DTHD1: variants seen among roughly 807,000 people sequenced by gnomAD.
DTHD1 encodes the protein death domain-containing protein 1.
DTHD1 carries 59 observed loss-of-function variants against 74.8 expected under a neutral mutation model. That is an observed-to-expected ratio of 0.79 (90% CI 0.64 to 0.98). The LOEUF (loss-of-function observed/expected upper bound fraction) is 0.98, where lower values mean the gene tolerates loss of function less well. Among genes scored for constraint, DTHD1 ranks in the 50% least tolerant of loss-of-function variants. DTHD1 has a pLI of 0.00. For synonymous variants in DTHD1, 365 were observed against 371.1 expected (o/e 0.98, Z 0.19); for missense variants, 1,051 against 1,065.4 (o/e 0.99, Z 0.19).
At chr4:36,314,708 A>C (rs1757603989) in intron 7 of DTHD1, among the ~76,000 whole-genome samples, 1 of 150,918 alleles carries the variant, frequency 6.6e-6, no homozygotes, top group Non-Finnish European at 1.5e-5. Context: ...AAAAGAAAAG[A>C]AAAAAAGCTT....
chr4:36,324,781 T>C (rs1366355997), intron 8 of DTHD1, among the ~76,000 whole-genome samples: 1 of 152,200 alleles, frequency 6.6e-6, no homozygotes, highest in Non-Finnish European at 1.5e-5. Flanking sequence ...AATAATTGAA[T>C]ACAACAATAC....
chr4:36,285,771 A>G (rs1457480444), intron 2 of DTHD1, among the ~76,000 whole-genome samples: 1 of 152,218 alleles, frequency 6.6e-6, no homozygotes, highest in Non-Finnish European at 1.5e-5. Context: ...ATTTGTAGAA[A>G]TAATATATAC....
At chr4:36,304,827 C>T (rs1343226940) in intron 5 of DTHD1, among the ~76,000 whole-genome samples, 2 of 152,140 alleles carry the variant, frequency 1.3e-5, no homozygotes, top group African/African-American at 4.8e-5. Context: ...GATTTTTCTC[C>T]TTTTTCTCTC....
At chr4:36,328,518 G>T (rs544978724) in intron 8 of DTHD1, among the ~76,000 whole-genome samples, 2 of 152,164 alleles carry the variant, frequency 1.3e-5, no homozygotes, top group African/African-American at 4.8e-5. Context: ...ACGTAAGCAC[G>T]CGCAAATACT....
chr4:36,289,446 T>C (rs892246632), intron 2 of DTHD1, among the ~76,000 whole-genome samples: 3 of 152,176 alleles, frequency 2.0e-5, no homozygotes, highest in Non-Finnish European at 4.4e-5. Flanking sequence ...GTTTGGACTT[T>C]CACATTAAAG....
intron 5 of DTHD1, among the ~76,000 whole-genome samples, chr4:36,299,638 A>T (rs912167878): frequency 3.3e-5 from 5 of 152,088 alleles, no homozygotes; most frequent in African/African-American, 1.2e-4. Flanking sequence ...TGTCCTTCCG[A>T]GTTTCCACAT....
intron 8 of DTHD1, among the ~76,000 whole-genome samples, chr4:36,318,578 T>A (rs941898561): frequency 1.3e-5 from 2 of 151,892 alleles, no homozygotes; most frequent in Admixed American, 1.3e-4. Flanking sequence ...TGTACATCTA[T>A]CAGTTTTGCT....
intron 3 of DTHD1, among the ~76,000 whole-genome samples, chr4:36,293,257 A>T (rs887214063): frequency 2.1e-5 from 3 of 142,594 alleles, no homozygotes; most frequent in African/African-American, 8.1e-5. Flanking sequence ...ATTGCCCATT[A>T]TTCACACAAT....
At chr4:36,291,567 G>A (rs1756080608) in intron 3 of DTHD1, among the ~76,000 whole-genome samples, 1 of 152,170 alleles carries the variant, frequency 6.6e-6, no homozygotes. Flanking sequence ...GGTGGCTTAG[G>A]CCTGTAATCT....
chr4:36,283,055 C>G (rs909917369), intron 1 of DTHD1, among the ~76,000 whole-genome samples: 7 of 152,086 alleles, frequency 4.6e-5, no homozygotes, highest in Admixed American at 2.0e-4. Flanking sequence ...AAGAAAAGCC[C>G]TGACTGGTGA....
rs71201019 is a variant in DTHD1 at position 36,336,354 on chromosome 4, T to TTTGTTG, written c.2341-2749_2341-2744dup. Among the ~76,000 whole-genome samples the TTTGTTG allele has an allele frequency of 2.6e-4, 39 of 151,742 alleles. 1 individual carries two copies. Among genetic ancestry groups the TTTGTTG allele is most frequent in the Non-Finnish European group, 4.4e-4 (30 of 67,912 alleles). On this transcript the variant is annotated intron_variant, in intron 8 of 9. Coordinates refer to ENST00000639862, the MANE Select transcript of DTHD1 (RefSeq NM_001170700.3). ...AAGAAAATGTAATCGAATGGCACCT[T>TTTGTTG]TTGTTGTTGTTGTTTTGAAGGGAAA...
At position 36,284,373 on chromosome 4, in the gene DTHD1, A is replaced by C. The variant is rs1205348690; in HGVS notation, c.669A>C (p.Gln223His). Reference sequence around the variant, plus strand: ...ATGCAGAAAATGAAGATGATAAACAAATAGAACACATGACTGTTGAGAACA... The same window carrying C: ...ATGCAGAAAATGAAGATGATAAACACATAGAACACATGACTGTTGAGAACA... ...PDNAENEDDK[Q>H]IEHMTVENIN... is the part of the protein sequence containing the mutation. Residue 223 changes from glutamine to histidine, a missense_variant, in exon 2 of 10, where the codon CAA (glutamine) becomes CAC (histidine). Physicochemically the swap from Gln to His is conservative, Grantham distance 24 (BLOSUM62 0). Transcript: ENST00000639862. 2 of 1,537,084 alleles carry C rather than the reference A, an allele frequency of 1.3e-6. No homozygotes were observed. Among genetic ancestry groups the C allele is most frequent in the African/African-American group, 2.7e-5 (2 of 73,052 alleles).
Position 36,316,454 on chromosome 4 carries a change from C to T in DTHD1, c.2308C>T (p.Pro770Ser). 1.9e-6 allele frequency: 3 copies of T among 1,549,838 alleles called. No individual in the cohort carries two copies. Among genetic ancestry groups the T allele is most frequent in the Non-Finnish European group, 1.7e-6 (2 of 1,146,542 alleles). Residue 770 changes from proline (P) to serine (S), a missense_variant, in exon 8 of 10, where the codon CCA (proline) becomes TCA (serine). Transcript: ENST00000639862. ...AATTAATGAAAACCATTCTCAGTTG[C>T]CAATTTGCAAATTACCATTGAAATT... ...LVINENHSQLPICKLPLKLPK... is the reference protein window; with the variant it reads ...LVINENHSQLSICKLPLKLPK...
At chr4:36,302,505 T>C (rs2109484392) in intron 5 of DTHD1, among the ~76,000 whole-genome samples, 1 of 152,276 alleles carries the variant, frequency 6.6e-6, no homozygotes, top group South Asian at 2.1e-4. Context: ...ATGGTAAAAT[T>C]AAGGTACAGA....
chr4:36,326,846 C>T (rs915619224), intron 8 of DTHD1, among the ~76,000 whole-genome samples: 7 of 152,158 alleles, frequency 4.6e-5, no homozygotes, highest in Non-Finnish European at 1.0e-4. Flanking sequence ...GGGAGGGTGA[C>T]ATTTTGTGTG....
chr4:36,326,642 A>G (rs1758363303), intron 8 of DTHD1, among the ~76,000 whole-genome samples: 1 of 152,234 alleles, frequency 6.6e-6, no homozygotes, highest in Admixed American at 6.5e-5. Flanking sequence ...GATGCATTCA[A>G]TAATGTTTTG....
At chr4:36,307,875 A>T (rs918759897) in intron 6 of DTHD1, among the ~76,000 whole-genome samples, 2 of 151,722 alleles carry the variant, frequency 1.3e-5, no homozygotes, top group East Asian at 3.9e-4. Flanking sequence ...TTCTTTTTTT[A>T]TTTATTTCTT....
chr4:36,290,439 T>A lies in DTHD1; in HGVS notation c.954T>A (p.Tyr318Ter). The A allele has an allele frequency of 6.4e-7, 1 of 1,552,018 alleles. No homozygotes were observed. The highest frequency in any genetic ancestry group is 8.7e-7 in the Non-Finnish European group (1 of 1,147,020). The change falls in exon 3 of 10, where the codon TAT (tyrosine) becomes TAA (stop). Residue 318 changes from tyrosine to a stop codon, truncating the protein, a stop_gained. Coordinates refer to ENST00000639862, the MANE Select transcript of DTHD1 (RefSeq NM_001170700.3). LOFTEE classifies it high-confidence loss of function. ...CTTGTTATATTACAGCACCATCATA[T>A]GTTCTACAACAACTAGAATGCCGGA... is the stretch of plus-strand genomic sequence containing the variant. ...QVSCYITAPSYVLQQLECRII... is the reference protein window; with the variant it reads ...QVSCYITAPS
At chr4:36,294,742 A>G in intron 4 of DTHD1, 53 bp from the exon 5 acceptor site, 1 of 1,456,962 alleles carries the variant, frequency 6.9e-7, no homozygotes, top group South Asian at 1.5e-5. Flanking sequence ...AAATGTACCA[A>G]TAGTTTGCAT....
Sources: allele counts gnomAD v4.1 joint callset (sites outside exome capture counted in the v4.1 genomes callset), GRCh38; gene constraint gnomAD v4.1.1; transcripts MANE v1.5; gene names NCBI Gene and HGNC (gene_info 2026-07-23, HGNC 2026-07-21).